PTPRB: variants seen among roughly 807,000 people sequenced by gnomAD.
PTPRB encodes protein tyrosine phosphatase receptor type B.
A neutral mutation model predicts 238.1 loss-of-function variants in PTPRB; 97 were observed. That is an observed-to-expected ratio of 0.41 (90% CI 0.35 to 0.48). The LOEUF (loss-of-function observed/expected upper bound fraction) is 0.48. Among genes scored for constraint, PTPRB ranks in the 20% least tolerant of loss-of-function variants. The probability of loss-of-function intolerance (pLI) is 0.30; values close to 1 mark genes in which losing one functional copy is unlikely to be tolerated. For missense variants in PTPRB, 2,292 were observed against 2,681.9 expected, an observed-to-expected ratio of 0.85 and a Z score of 3.21; for synonymous variants, 970 against 995.4, an observed-to-expected ratio of 0.97 and a Z score of 0.48.
chr12:70,575,357 C>A (rs1880565379), intron 11 of PTPRB, among the ~76,000 whole-genome samples: 1 of 152,166 alleles, frequency 6.6e-6, no homozygotes, highest in South Asian at 2.1e-4. Context: ...TTTTGGAGGT[C>A]ACAGAAACCA....
rs546241246 is a variant in PTPRB, at chr12:70,635,524, C to A, written c.451+147G>T. ...TCATTGGGCACGTCACCATCCACCT[C>A]CATTAGCTTATGAATCTTCCATAGG... On this transcript the variant is annotated intron_variant, in intron 2 of 33. Transcript: ENST00000334414. The A allele has an allele frequency of 8.4e-5, 88 of 1,049,544 alleles. No homozygotes were observed. The South Asian group carries it at 1.6e-3, about 19-fold the overall frequency. 65.0% of individuals were successfully genotyped at this position (1,049,544 alleles called of 1,614,324 possible). A position where few individuals can be genotyped will look rare whatever the true frequency, so the allele number is the denominator to read the frequency against.
chr12:70,562,065 T>C (rs992620655), intron 16 of PTPRB, among the ~76,000 whole-genome samples: 8 of 151,854 alleles, frequency 5.3e-5, no homozygotes, highest in Admixed American at 4.6e-4. Context: ...AGCCCAGGAG[T>C]TCAAGACCAG....
intron 14 of PTPRB, among the ~76,000 whole-genome samples, chr12:70,567,338 C>T (rs1157391375): frequency 6.6e-6 from 1 of 152,170 alleles, no homozygotes; most frequent in Non-Finnish European, 1.5e-5. Context: ...GATGTTTCTC[C>T]TGCTTTTGCA....
intron 32 of PTPRB, among the ~76,000 whole-genome samples, chr12:70,525,940 C>CAGAT (rs142857574): frequency 0.13 from 19,128 of 152,192 alleles, 1,405 homozygotes; most frequent in South Asian, 0.2. Flanking sequence ...TGATGTCAGA[C>CAGAT]AGATAGATAT....
At chr12:70,599,770 T>C (rs10879165) in intron 4 of PTPRB, among the ~76,000 whole-genome samples, 36,041 of 152,102 alleles carry the variant, frequency 0.24, 4,452 homozygotes, top group African/African-American at 0.3. Context: ...GCAAAATTCC[T>C]GAACCAAAAT....
intron 2 of PTPRB, 135 bp downstream of exon 2, chr12:70,635,536 G>C: frequency 8.6e-7 from 1 of 1,156,444 alleles, no homozygotes; most frequent in Non-Finnish European, 1.2e-6. Context: ...ATTAGCTTAT[G>C]AATCTTCCAT....
chr12:70,528,940 T>C lies in PTPRB; in HGVS notation c.6504+3095A>G, dbSNP rs2136213281. On this transcript the variant is annotated intron_variant, in intron 32 of 33. Coordinates refer to ENST00000334414, the MANE Select transcript of PTPRB (RefSeq NM_001109754.4). ...GAGAATGAGTTTGACTTTGATCTTTTTGAAGTTAGATGGCTATAAGGCTTT... is the reference window on the plus strand; with the variant it reads ...GAGAATGAGTTTGACTTTGATCTTTCTGAAGTTAGATGGCTATAAGGCTTT... Among the ~76,000 whole-genome samples, 3 of 152,152 alleles carry C rather than the reference T, an allele frequency of 2.0e-5. No homozygotes were observed. The South Asian group carries it at 6.2e-4, about 32-fold the overall frequency.
chr12:70,604,892 G>A (rs796851719), intron 4 of PTPRB, among the ~76,000 whole-genome samples: 5 of 152,262 alleles, frequency 3.3e-5, no homozygotes, highest in African/African-American at 9.6e-5. Context: ...AGACACCTTC[G>A]CCTTGGACTT....
At chr12:70,545,270 T>C (rs1031806790) in intron 21 of PTPRB, among the ~76,000 whole-genome samples, 1 of 152,128 alleles carries the variant, frequency 6.6e-6, no homozygotes, top group African/African-American at 2.4e-5. Context: ...GACAGATCAG[T>C]TGTGGAGGAA....
At position 70,546,560 on chromosome 12, in the gene PTPRB, T is replaced by C. The variant is rs141096431; in HGVS notation, c.5388-1897A>G. Among the ~76,000 whole-genome samples the C allele has an allele frequency of 3.7e-3, 556 of 152,272 alleles. 2 individuals are homozygous for C. Among genetic ancestry groups the C allele is most frequent in the African/African-American group, 0.013 (522 of 41,544 alleles). ...ATGATAGAGAAGACTTCAAGGGACA[T>C]AATATAGTTAGCTTCAGATTTAAGG... On this transcript the variant is annotated intron_variant, in intron 21 of 33. Coordinates refer to ENST00000334414, the MANE Select transcript of PTPRB (RefSeq NM_001109754.4).
chr12:70,556,172 A>G (rs200490009), intron 18 of PTPRB, 24 bp from the exon 19 acceptor site: 88 of 1,581,130 alleles, frequency 5.6e-5, no homozygotes, highest in Admixed American at 4.7e-4. Context: ...AGGAGGCAAC[A>G]CTTTTCAGAA....
At chr12:70,583,132 C>T (rs1881553453) in intron 9 of PTPRB, among the ~76,000 whole-genome samples, 1 of 152,046 alleles carries the variant, frequency 6.6e-6, no homozygotes, top group African/African-American at 2.4e-5. Context: ...TTTTACAATA[C>T]TTTGGAAAGC....
intron 32 of PTPRB, among the ~76,000 whole-genome samples, chr12:70,530,988 G>C (rs999064192): frequency 1.3e-5 from 2 of 152,242 alleles, no homozygotes; most frequent in Non-Finnish European, 2.9e-5. Flanking sequence ...TGGTGGCAGA[G>C]GTTCCTGCCT....
chr12:70,559,339 A>C lies in PTPRB; in HGVS notation c.4714+4T>G. 1 of 1,605,864 alleles carries C rather than the reference A, an allele frequency of 6.2e-7. No individual in the cohort carries two copies. Among genetic ancestry groups the C allele is most frequent in the Non-Finnish European group, 8.5e-7 (1 of 1,172,484 alleles). ...AGAAATAAGAGTAGCAAAACATGTC[A>C]TACTTGTCCTCACAGATCCAAAAAT... On this transcript the variant is annotated splice_donor_region_variant and intron_variant, in intron 18 of 33. Coordinates refer to ENST00000334414, the MANE Select transcript of PTPRB (RefSeq NM_001109754.4).
intron 2 of PTPRB, among the ~76,000 whole-genome samples, chr12:70,631,349 A>G (rs1303494149): frequency 1.4e-4 from 21 of 152,230 alleles, no homozygotes; most frequent in Non-Finnish European, 1.5e-5. Context: ...TATTTAATAA[A>G]TGGAGCTGGG....
chr12:70,577,085 G>A (rs1398565402), intron 10 of PTPRB, among the ~76,000 whole-genome samples: 2 of 152,154 alleles, frequency 1.3e-5, no homozygotes, highest in Admixed American at 6.5e-5. Flanking sequence ...GGAAGAATAC[G>A]ATAGCTTTTC....
chr12:70,587,263 G>A lies in PTPRB; in HGVS notation c.2055C>T (p.Pro685=). Residue 685 remains proline (P), a synonymous_variant, in exon 9 of 34, where the codon CCC becomes CCT. Coordinates refer to ENST00000334414, the MANE Select transcript of PTPRB (RefSeq NM_001109754.4). ...TGACACGAAGCTGGAGGACAGCCAG[G>A]GGGACTGAGGAAAAAGCAATGGAGA... ...NSERCQGRTV[P]LAVLQLRVKH... is the part of the protein sequence containing the mutation. The A allele has an allele frequency of 2.5e-6, 4 of 1,613,732 alleles. No individual in the cohort carries two copies. Among genetic ancestry groups the A allele is most frequent in the Non-Finnish European group, 3.4e-6 (4 of 1,179,724 alleles).
chr12:70,563,984 C>G (rs1878870982), intron 15 of PTPRB, among the ~76,000 whole-genome samples: 1 of 152,150 alleles, frequency 6.6e-6, no homozygotes, highest in African/African-American at 2.4e-5. Context: ...TGTCATGACC[C>G]CCATTACCTG....
At chr12:70,608,387 AG>A (rs1230458645) in intron 4 of PTPRB, among the ~76,000 whole-genome samples, 2 of 94,556 alleles carry the variant, frequency 2.1e-5, no homozygotes, top group East Asian at 3.7e-4. Flanking sequence ...GAATGACCTA[AG>A]TCTAACACTC....
Sources: allele counts gnomAD v4.1 joint callset (sites outside exome capture counted in the v4.1 genomes callset), GRCh38; gene constraint gnomAD v4.1.1; transcripts MANE v1.5; gene names NCBI Gene and HGNC (gene_info 2026-07-23, HGNC 2026-07-21).